The following TMEM178B variants were observed in gnomAD, a reference collection of about 807,000 sequenced individuals.
TMEM178B encodes the protein transmembrane protein 178B.
In TMEM178B, 5 loss-of-function variants were observed where a neutral mutation model predicts 31.0. The ratio of observed to expected loss-of-function variants is 0.16; its 90% confidence interval spans 0.08 to 0.34. TMEM178B has a LOEUF of 0.34. Ranked by LOEUF, TMEM178B falls within the 10% of genes least tolerant of loss-of-function variation. The pLI is 1.00. For synonymous variants in TMEM178B, 164 were observed against 164.0 expected, an observed-to-expected ratio of 1.00 and a Z score of 0.00; for missense variants, 275 against 400.3, an observed-to-expected ratio of 0.69 and a Z score of 2.67.
intron 2 of TMEM178B, among the ~76,000 whole-genome samples, chr7:141,333,823 G>A (rs1029727670): frequency 1.3e-5 from 2 of 152,212 alleles, no homozygotes; most frequent in African/African-American, 4.8e-5. Context: ...ATTAGTTAGA[G>A]TTTCTAAAGG....
chr7:141,451,754 T>A (rs1033261159), intron 3 of TMEM178B, among the ~76,000 whole-genome samples: 6 of 152,254 alleles, frequency 3.9e-5, no homozygotes, highest in Non-Finnish European at 7.3e-5. Context: ...CATTTTTATG[T>A]GTTTTAAGAC....
chr7:141,159,801 A>AG (rs1018695384), intron 1 of TMEM178B, among the ~76,000 whole-genome samples: 103 of 152,080 alleles, frequency 6.8e-4, no homozygotes, highest in African/African-American at 2.3e-3. Flanking sequence ...GGTGGTCGTC[A>AG]GGGGGTTGGG....
chr7:141,273,384 T>G (rs979704131), intron 2 of TMEM178B, among the ~76,000 whole-genome samples: 3 of 152,252 alleles, frequency 2.0e-5, no homozygotes, highest in African/African-American at 7.2e-5. Flanking sequence ...ATTATCACAT[T>G]GTGCCCTTTA....
intron 1 of TMEM178B, among the ~76,000 whole-genome samples, chr7:141,075,813 CATT>C (rs375364523): frequency 1.1e-4 from 16 of 152,278 alleles, no homozygotes; most frequent in African/African-American, 3.6e-4. Flanking sequence ...CTTAGTGTCT[CATT>C]ATAATGCTGT....
chr7:141,175,669 G>T (rs777215122), intron 1 of TMEM178B, among the ~76,000 whole-genome samples: 14 of 152,088 alleles, frequency 9.2e-5, no homozygotes, highest in Non-Finnish European at 1.6e-4. Flanking sequence ...CCTTGAAGAG[G>T]TCCTTCACAT....
intron 3 of TMEM178B, among the ~76,000 whole-genome samples, chr7:141,440,908 G>A (rs1205050672): frequency 1.3e-5 from 2 of 152,198 alleles, no homozygotes; most frequent in Non-Finnish European, 2.9e-5. Context: ...GGGAAAAAAC[G>A]GATGTCCACA....
chr7:141,188,816 G>T (rs1796652666), intron 1 of TMEM178B, among the ~76,000 whole-genome samples: 1 of 152,240 alleles, frequency 6.6e-6, no homozygotes, highest in Non-Finnish European at 1.5e-5. Flanking sequence ...ATGCACTGCG[G>T]ATTGAAGATA....
intron 1 of TMEM178B, among the ~76,000 whole-genome samples, chr7:141,119,390 C>T (rs939904969): frequency 1.3e-5 from 2 of 152,062 alleles, no homozygotes; most frequent in Non-Finnish European, 2.9e-5. Context: ...ATGTAGAGGG[C>T]CTGCAGGGCC....
At position 141,476,390 on chromosome 7, in the gene TMEM178B, A is replaced by G. The variant is rs1032188503; in HGVS notation, c.*5604A>G. On this transcript the variant is annotated 3_prime_UTR_variant, in exon 4 of 4. Transcript: ENST00000565468. Reference sequence around the variant, plus strand: ...AAACCATATGGGGCAAATAGCATATATGAGCTAAACCAGTTAACTGTTAAC... The same window carrying G: ...AAACCATATGGGGCAAATAGCATATGTGAGCTAAACCAGTTAACTGTTAAC... The G allele has an allele frequency of 3.3e-5, 5 of 152,280 alleles. No homozygotes were observed. The highest frequency in any genetic ancestry group is 3.4e-3 in the Middle Eastern group (1 of 294). 9.4% of individuals were successfully genotyped at this position (152,280 alleles called of 1,614,324 possible). A position where few individuals can be genotyped will look rare whatever the true frequency, so the allele number is the denominator to read the frequency against.
chr7:141,229,090 G>A (rs999410913), intron 2 of TMEM178B, among the ~76,000 whole-genome samples: 2 of 116,826 alleles, frequency 1.7e-5, no homozygotes, highest in South Asian at 5.3e-4. Flanking sequence ...GCAAAATGAT[G>A]TGTGTGTGTG....
chr7:141,278,198 C>G (rs545325695), intron 2 of TMEM178B, among the ~76,000 whole-genome samples: 25 of 152,320 alleles, frequency 1.6e-4, no homozygotes, highest in African/African-American at 5.5e-4. Context: ...AGAATGAAGG[C>G]TTTGTTCCCA....
In TMEM178B at chr7:141,475,080, C is replaced by T. The variant is rs1230573153; in HGVS notation, c.*4294C>T. 3 of 152,252 alleles carry T rather than the reference C, an allele frequency of 2.0e-5. No homozygotes were observed. Among genetic ancestry groups the T allele is most frequent in the Non-Finnish European group, 4.4e-5 (3 of 68,074 alleles). 9.4% of individuals were successfully genotyped at this position (152,252 alleles called of 1,614,324 possible). Reference sequence around the variant, plus strand: ...GACTTACCCATCCCAGGGGACACATCCATCCCAGGGGACACAGCCAGCCCT... The same window carrying T: ...GACTTACCCATCCCAGGGGACACATTCATCCCAGGGGACACAGCCAGCCCT... On this transcript the variant is annotated 3_prime_UTR_variant, in exon 4 of 4. Coordinates refer to ENST00000565468, the MANE Select transcript of TMEM178B (RefSeq NM_001195278.2).
At chr7:141,385,568 A>G (rs1419750278) in intron 2 of TMEM178B, among the ~76,000 whole-genome samples, 2 of 152,258 alleles carry the variant, frequency 1.3e-5, no homozygotes, top group African/African-American at 2.4e-5. Context: ...AACGCATATC[A>G]TTAATGCTCA....
At chr7:141,209,259 T>C (rs1199010845) in intron 1 of TMEM178B, among the ~76,000 whole-genome samples, 1 of 152,224 alleles carries the variant, frequency 6.6e-6, no homozygotes. Context: ...CGGGGCTACA[T>C]TTACCAAGTA....
At chr7:141,350,932 C>G (rs1799710091) in intron 2 of TMEM178B, among the ~76,000 whole-genome samples, 1 of 152,192 alleles carries the variant, frequency 6.6e-6, no homozygotes, top group Admixed American at 6.5e-5. Context: ...ACCCCTATCC[C>G]TGGCTTGGTG....
intron 3 of TMEM178B, among the ~76,000 whole-genome samples, chr7:141,469,651 C>T (rs947440538): frequency 2.6e-5 from 4 of 152,106 alleles, no homozygotes; most frequent in Admixed American, 1.3e-4. Context: ...GAACAGAAAA[C>T]ACGGCAAATG....
chr7:141,230,059 C>T (rs1244169705), intron 2 of TMEM178B, among the ~76,000 whole-genome samples: 1 of 152,144 alleles, frequency 6.6e-6, no homozygotes, highest in Non-Finnish European at 1.5e-5. Context: ...ATTTTAATTA[C>T]TTCATCATAT....
At chr7:141,508,548 G>A in the TMEM178B span, among the ~76,000 whole-genome samples, 1,586 of 152,220 alleles carry the variant, frequency 0.01, 26 homozygotes, top group African/African-American at 0.035. Flanking sequence ...GTATTAGTCC[G>A]TTTTCACCCT....
At chr7:141,411,273 A>C (rs1800984415) in intron 2 of TMEM178B, among the ~76,000 whole-genome samples, 1 of 152,204 alleles carries the variant, frequency 6.6e-6, no homozygotes. Context: ...GTTGAGGAGA[A>C]GATGGAGAGT....
Sources: gnomAD v4.1 joint callset for allele counts (sites outside exome capture counted in the v4.1 genomes callset) on GRCh38, gnomAD v4.1.1 for gene constraint, MANE v1.5 for transcripts, NCBI Gene and HGNC (gene_info 2026-07-23, HGNC 2026-07-21) for gene names.